ADAMTS12: variants seen among roughly 807,000 people sequenced by gnomAD.
The protein encoded by ADAMTS12 is A disintegrin and metalloproteinase with thrombospondin motifs 12.
ADAMTS12 carries 118 observed loss-of-function variants against 167.8 expected under a neutral mutation model. The ratio of observed to expected loss-of-function variants is 0.70; its 90% CI spans 0.61 to 0.82. The LOEUF (loss-of-function observed/expected upper bound fraction) is 0.82, where lower values mean the gene tolerates loss of function less well. Among genes scored for constraint, ADAMTS12 ranks in the 40% least tolerant of loss-of-function variants. ADAMTS12 has a pLI of 0.00. For synonymous variants in ADAMTS12, 704 were observed against 716.9 expected (o/e 0.98, Z 0.29); for missense variants, 1,916 against 1,998.8 (o/e 0.96, Z 0.79).
intron 11 of ADAMTS12, among the ~76,000 whole-genome samples, chr5:33,639,463 T>C (rs1172745994): frequency 6.6e-6 from 1 of 152,152 alleles, no homozygotes; most frequent in Non-Finnish European, 1.5e-5. Context: ...ATGAGGCTAG[T>C]TGGGAAGGAT....
intron 3 of ADAMTS12, among the ~76,000 whole-genome samples, chr5:33,747,795 T>C (rs540507803): frequency 6.6e-6 from 1 of 152,252 alleles, no homozygotes; most frequent in South Asian, 2.1e-4. Context: ...ATTCCAAATC[T>C]CTTGTTAGTC....
chr5:33,827,212 C>G (rs904725900), intron 2 of ADAMTS12, among the ~76,000 whole-genome samples: 1 of 34,560 alleles, frequency 2.9e-5, no homozygotes, highest in Non-Finnish European at 9.4e-5. Flanking sequence ...GGACACAAGT[C>G]GGTGATGGGA....
At chr5:33,812,239 T>A (rs1204048836) in intron 2 of ADAMTS12, among the ~76,000 whole-genome samples, 1 of 152,008 alleles carries the variant, frequency 6.6e-6, no homozygotes, top group African/African-American at 2.4e-5. Flanking sequence ...GAGTGAGCCA[T>A]AGTGGTGCAA....
chr5:33,701,623 TAAAC>T (rs1283122935), intron 3 of ADAMTS12, among the ~76,000 whole-genome samples: 1 of 152,072 alleles, frequency 6.6e-6, no homozygotes, highest in East Asian at 1.9e-4. Context: ...AAAATACAAT[TAAAC>T]AAAACAAGCA....
At chr5:33,836,240 C>G (rs1330275065) in intron 2 of ADAMTS12, among the ~76,000 whole-genome samples, 1 of 152,076 alleles carries the variant, frequency 6.6e-6, no homozygotes, top group East Asian at 1.9e-4. Context: ...CCACAAAAGA[C>G]TTCCTCAGCC....
At chr5:33,641,690 G>A (rs1238418948) in intron 11 of ADAMTS12, 120 bp downstream of exon 11, 1 of 1,000,628 alleles carries the variant, frequency 1.0e-6, no homozygotes, top group East Asian at 2.8e-5. Flanking sequence ...TTTGTCCTGG[G>A]AACCCATTTA....
intron 2 of ADAMTS12, among the ~76,000 whole-genome samples, chr5:33,824,443 G>T (rs1708855751): frequency 6.6e-6 from 1 of 152,104 alleles, no homozygotes; most frequent in African/African-American, 2.4e-5. Flanking sequence ...TTGCCCCCAG[G>T]TTTACATTTT....
At chr5:33,692,038 C>G (rs1742566308) in intron 3 of ADAMTS12, among the ~76,000 whole-genome samples, 1 of 152,216 alleles carries the variant, frequency 6.6e-6, no homozygotes, top group Non-Finnish European at 1.5e-5. Flanking sequence ...CTGAACATGC[C>G]TGAGGCAATT....
At chr5:33,871,198 G>GT (rs1426261576) in intron 2 of ADAMTS12, among the ~76,000 whole-genome samples, 1 of 152,086 alleles carries the variant, frequency 6.6e-6, no homozygotes, top group Non-Finnish European at 1.5e-5. Context: ...AGAATATAAA[G>GT]TTCATAACTT....
At chr5:33,681,980 A>G (rs1742136773) in intron 5 of ADAMTS12, among the ~76,000 whole-genome samples, 1 of 152,236 alleles carries the variant, frequency 6.6e-6, no homozygotes, top group Non-Finnish European at 1.5e-5. Flanking sequence ...TTCAGTTTGT[A>G]TTTAAAATGA....
intron 2 of ADAMTS12, among the ~76,000 whole-genome samples, chr5:33,828,227 G>A (rs906988320): frequency 6.6e-6 from 1 of 152,166 alleles, no homozygotes; most frequent in Non-Finnish European, 1.5e-5. Context: ...AATCTCCCAG[G>A]TATAAAGTAA....
intron 18 of ADAMTS12, among the ~76,000 whole-genome samples, chr5:33,577,956 A>C (rs559699268): frequency 1.3e-5 from 2 of 152,330 alleles, no homozygotes; most frequent in African/African-American, 4.8e-5. Flanking sequence ...CTTCCTCAGG[A>C]TACATGGTAA....
At chr5:33,810,978 C>T (rs1483561657) in intron 2 of ADAMTS12, among the ~76,000 whole-genome samples, 1 of 152,204 alleles carries the variant, frequency 6.6e-6, no homozygotes, top group Non-Finnish European at 1.5e-5. Context: ...CTTTTAGTTA[C>T]AGCTGTTTGA....
At chr5:33,730,290 GTGTGTGTGTGT>G (rs908842688) in intron 3 of ADAMTS12, among the ~76,000 whole-genome samples, 1 of 11,270 alleles carries the variant, frequency 8.9e-5, no homozygotes, top group African/African-American at 2.0e-4. Flanking sequence ...GTCCATTAGG[GTGTGTGTGTGT>G]GTGTGTGTGT....
chr5:33,601,140 T>TGTGTGTGA (rs774156065), intron 16 of ADAMTS12, among the ~76,000 whole-genome samples: 2 of 148,944 alleles, frequency 1.3e-5, no homozygotes, highest in South Asian at 4.3e-4. Flanking sequence ...TGTGTGTGTG[T>TGTGTGTGA]GATCAACAAT....
intron 3 of ADAMTS12, among the ~76,000 whole-genome samples, chr5:33,725,749 G>A (rs1743959466): frequency 6.6e-6 from 1 of 152,178 alleles, no homozygotes; most frequent in African/African-American, 2.4e-5. Context: ...CTCAGCTTGA[G>A]GACTTCGTGA....
intron 3 of ADAMTS12, among the ~76,000 whole-genome samples, chr5:33,711,881 A>G (rs182494947): frequency 6.6e-6 from 1 of 152,314 alleles, no homozygotes; most frequent in African/African-American, 2.4e-5. Context: ...ATCTTCAAAT[A>G]TCTGCTCAGC....
At chr5:33,832,112 T>C (rs1012035171) in intron 2 of ADAMTS12, among the ~76,000 whole-genome samples, 2 of 152,234 alleles carry the variant, frequency 1.3e-5, no homozygotes, top group Non-Finnish European at 2.9e-5. Context: ...TTGCTGAAAC[T>C]ATCTGATAGA....
At chr5:33,741,775 G>A (rs560367424) in intron 3 of ADAMTS12, among the ~76,000 whole-genome samples, 1 of 152,114 alleles carries the variant, frequency 6.6e-6, no homozygotes, top group South Asian at 2.1e-4. Flanking sequence ...TTACAGGCAT[G>A]TGCCACCACA....
Sources: gnomAD v4.1 joint callset for allele counts (sites outside exome capture counted in the v4.1 genomes callset) on GRCh38, gnomAD v4.1.1 for gene constraint, MANE v1.5 for transcripts, NCBI Gene and HGNC (gene_info 2026-07-23, HGNC 2026-07-21) for gene names.